Variants in UBAP2 observed in about 807,000 individuals in gnomAD.
UBAP2 encodes the protein ubiquitin associated protein 2.
A neutral mutation model predicts 139.6 loss-of-function variants in UBAP2; 75 were observed. The observed-to-expected ratio is 0.54, with a 90% CI of 0.45 to 0.65. UBAP2 has a LOEUF of 0.65. UBAP2 is among the 30% of genes least tolerant of loss of function. The pLI, the probability that UBAP2 is intolerant of heterozygous loss-of-function variation, is 0.00. For missense variants in UBAP2, 1,368 were observed against 1,369.6 expected (o/e 1.00, Z 0.02); for synonymous variants, 526 against 526.2 (o/e 1.00, Z 0.01).
At chr9:34,038,143 GAAAAAAAAAAA>G (rs78650365) in intron 1 of UBAP2, among the ~76,000 whole-genome samples, 21 of 127,244 alleles carry the variant, frequency 1.7e-4, no homozygotes, top group Non-Finnish European at 3.3e-4. Flanking sequence ...TCCAGCCTGG[GAAAAAAAAAAA>G]AAAAAAAAAA....
At chr9:33,986,141 C>A (rs1821191118) in intron 6 of UBAP2, among the ~76,000 whole-genome samples, 1 of 151,348 alleles carries the variant, frequency 6.6e-6, no homozygotes, top group Non-Finnish European at 1.5e-5. Context: ...CAACCTCCAC[C>A]TCTTGGGTCC....
At chr9:33,962,935 C>T (rs1434355555) in intron 9 of UBAP2, among the ~76,000 whole-genome samples, 4 of 151,018 alleles carry the variant, frequency 2.6e-5, no homozygotes, top group African/African-American at 9.7e-5. Context: ...GCCGAGATCG[C>T]ACCATTGCAC....
At position 33,984,433 on chromosome 9, in the gene UBAP2, T is replaced by C. The variant is rs184818314; in HGVS notation, c.520+2327A>G. Among the ~76,000 whole-genome samples the C allele has an allele frequency of 2.0e-5, 3 of 151,980 alleles. No individual in the cohort carries two copies. In the East Asian group the frequency reaches 5.8e-4, roughly 29 times the overall value. On this transcript the variant is annotated intron_variant, in intron 6 of 28. Transcript: ENST00000379238. The stretch of plus-strand genomic sequence containing the variant: ...ATCCCTGAGATTTGGGACACTGAGG[T>C]AGGAGGACAGCTTGAGGCCAGGAGT...
At chr9:34,005,434 CAAAAAAA>C (rs36086568) in intron 2 of UBAP2, among the ~76,000 whole-genome samples, 9 of 86,304 alleles carry the variant, frequency 1.0e-4, no homozygotes, top group African/African-American at 2.2e-4. Flanking sequence ...GACCCTGTCT[CAAAAAAA>C]AAAAAAAAAA....
chr9:33,935,144 A>C (rs1021054770), intron 17 of UBAP2, among the ~76,000 whole-genome samples: 1 of 115,984 alleles, frequency 8.6e-6, no homozygotes, highest in African/African-American at 3.1e-5. Context: ...TTTGGTAATC[A>C]CTGAGCTGTT....
chr9:33,929,277 A>G (rs1449032164), intron 19 of UBAP2, among the ~76,000 whole-genome samples: 1 of 152,220 alleles, frequency 6.6e-6, no homozygotes, highest in Non-Finnish European at 1.5e-5. Flanking sequence ...TCACTAGGGA[A>G]CTAGGTCCTG....
intron 1 of UBAP2, among the ~76,000 whole-genome samples, chr9:34,026,761 GAT>G (rs947737715): frequency 1.3e-5 from 2 of 152,156 alleles, no homozygotes; most frequent in Admixed American, 6.6e-5. Context: ...AGGAAACTAA[GAT>G]ACACAGAGAA....
In UBAP2 at chr9:34,028,214, C is replaced by T. The variant is rs572559211; in HGVS notation, c.-41-11025G>A. On this transcript the variant is annotated intron_variant, in intron 1 of 28. Transcript: ENST00000379238. ...CATGGAAAGGATGAGTGCTGGTGAA[C>T]TCAAACACTATAGGACATCAAAATT... is the stretch of plus-strand genomic sequence containing the variant. Among the ~76,000 whole-genome samples the T allele has an allele frequency of 2.3e-4, 35 of 152,098 alleles. 1 individual carries two copies. In the East Asian group the frequency reaches 4.2e-3, roughly 18 times the overall value.
intron 2 of UBAP2, among the ~76,000 whole-genome samples, chr9:34,010,894 T>TAGA (rs1823703212): frequency 6.6e-6 from 1 of 152,022 alleles, no homozygotes; most frequent in Admixed American, 6.6e-5. Flanking sequence ...TATGTCAGAG[T>TAGA]AGAAGATAAA....
chr9:33,968,322 C>A, intron 8 of UBAP2: 1 of 588,414 alleles, frequency 1.7e-6, no homozygotes, highest in South Asian at 1.4e-5. Flanking sequence ...CTCTGATGCC[C>A]ATGTTCATCG....
chr9:34,040,511 T>C (rs1319270149), intron 1 of UBAP2, among the ~76,000 whole-genome samples: 1 of 151,782 alleles, frequency 6.6e-6, no homozygotes, highest in Admixed American at 6.6e-5. Context: ...TTTGTGCGGG[T>C]GAGGTGGGAA....
At chr9:34,006,198 C>T (rs1823197191) in intron 2 of UBAP2, among the ~76,000 whole-genome samples, 1 of 150,272 alleles carries the variant, frequency 6.7e-6, no homozygotes. Flanking sequence ...CGCACCATTG[C>T]ACTCCAGCCT....
intron 2 of UBAP2, among the ~76,000 whole-genome samples, chr9:34,009,865 T>C (rs368571008): frequency 6.8e-6 from 1 of 147,462 alleles, no homozygotes; most frequent in Non-Finnish European, 1.5e-5. Flanking sequence ...TGGAGTACAA[T>C]GGTGGGATCT....
chr9:33,974,350 T>C (rs1828136342), intron 6 of UBAP2, among the ~76,000 whole-genome samples: 1 of 151,794 alleles, frequency 6.6e-6, no homozygotes, highest in African/African-American at 2.4e-5. Context: ...CTACAAAAAA[T>C]ACAAATATTA....
intron 2 of UBAP2, chr9:34,011,575 T>C (rs1229939856): frequency 1.5e-5 from 14 of 938,962 alleles, no homozygotes; most frequent in Non-Finnish European, 1.4e-5. Flanking sequence ...AACAATTCAA[T>C]AAATATTTGA....
intron 9 of UBAP2, among the ~76,000 whole-genome samples, chr9:33,963,478 T>C (rs971767617): frequency 6.6e-6 from 1 of 152,238 alleles, no homozygotes; most frequent in Admixed American, 6.5e-5. Flanking sequence ...GTTAGTCCTC[T>C]AACGAATGTA....
At position 34,045,376 on chromosome 9, in the gene UBAP2, A is replaced by T. The variant is rs889646284; in HGVS notation, c.-42+3449T>A. On this transcript the variant is annotated intron_variant, in intron 1 of 28. Transcript: ENST00000379238. ...AAAAGGGTAGAAAAAAATAAAAATTAAAAAAAAAATTTTTTTTTGAGACGG... is the reference window on the plus strand; with the variant it reads ...AAAAGGGTAGAAAAAAATAAAAATTTAAAAAAAAATTTTTTTTTGAGACGG... 7.3e-5 allele frequency among the ~76,000 whole-genome samples: 11 copies of T among 151,008 alleles called. 1 individual carries two copies. In the South Asian group the frequency reaches 1.1e-3, roughly 14 times the overall value.
At chr9:33,960,457 A>G (rs562388514) in intron 10 of UBAP2, among the ~76,000 whole-genome samples, 1 of 152,232 alleles carries the variant, frequency 6.6e-6, no homozygotes, top group African/African-American at 2.4e-5. Context: ...TCCAAGCACC[A>G]AAGTCCCCAC....
chr9:33,952,355 A>G (rs971946594), intron 12 of UBAP2, among the ~76,000 whole-genome samples: 1 of 152,164 alleles, frequency 6.6e-6, no homozygotes, highest in Non-Finnish European at 1.5e-5. Context: ...CACAGCCTTC[A>G]CTAACAGTTT....
Sources: allele counts gnomAD v4.1 joint callset (sites outside exome capture counted in the v4.1 genomes callset), GRCh38; gene constraint gnomAD v4.1.1; transcripts MANE v1.5; gene names NCBI Gene and HGNC (gene_info 2026-07-23, HGNC 2026-07-21).